Variants in GRID2 observed in about 807,000 individuals in gnomAD.
The protein encoded by GRID2 is glutamate receptor ionotropic, delta-2.
A neutral mutation model predicts 114.8 loss-of-function variants in GRID2; 33 were observed. The ratio of observed to expected loss-of-function variants is 0.29; its 90% confidence interval spans 0.22 to 0.38. The LOEUF (loss-of-function observed/expected upper bound fraction) is 0.38. Among genes scored for constraint, GRID2 ranks in the 10% least tolerant of loss-of-function variants. The pLI, the probability that GRID2 is intolerant of heterozygous loss-of-function variation, is 1.00. For missense variants in GRID2, 1,184 were observed against 1,257.7 expected, an observed-to-expected ratio of 0.94 and a Z score of 0.89; for synonymous variants, 505 against 449.9, an observed-to-expected ratio of 1.12 and a Z score of -1.55.
At chr4:93,111,700 G>A (rs1732777417) in intron 4 of GRID2, among the ~76,000 whole-genome samples, 1 of 148,334 alleles carries the variant, frequency 6.7e-6, no homozygotes, top group Non-Finnish European at 1.5e-5. Flanking sequence ...CTTTCACATG[G>A]AATTTTTAAA....
chr4:93,423,999 T>C (rs1186554812), intron 10 of GRID2, among the ~76,000 whole-genome samples: 1 of 152,140 alleles, frequency 6.6e-6, no homozygotes, highest in East Asian at 1.9e-4. Context: ...TTGTTCGTGG[T>C]TAGTCTAAAG....
At chr4:92,795,468 C>A (rs1290488159) in intron 2 of GRID2, among the ~76,000 whole-genome samples, 4 of 151,966 alleles carry the variant, frequency 2.6e-5, no homozygotes, top group Non-Finnish European at 4.4e-5. Context: ...ACCTCCTTTT[C>A]TTCCCAGTCT....
intron 1 of GRID2, among the ~76,000 whole-genome samples, chr4:92,412,486 T>G (rs1349855410): frequency 2.0e-5 from 3 of 152,168 alleles, no homozygotes; most frequent in Non-Finnish European, 4.4e-5. Flanking sequence ...TTTTCTACAA[T>G]ATTGATTTGT....
At chr4:92,383,992 C>T (rs899791403) in intron 1 of GRID2, among the ~76,000 whole-genome samples, 2 of 151,764 alleles carry the variant, frequency 1.3e-5, no homozygotes, top group Admixed American at 6.6e-5. Context: ...ATTTAATTGT[C>T]AAAACCTTTC....
intron 1 of GRID2, among the ~76,000 whole-genome samples, chr4:93,795,665 TATAGGATTC>T (rs1734782051): frequency 6.6e-6 from 1 of 152,214 alleles, no homozygotes; most frequent in African/African-American, 2.4e-5. Context: ...GGTGAGCAAG[TATAGGATTC>T]TTCCTAACTT....
intron 11 of GRID2, among the ~76,000 whole-genome samples, chr4:93,488,206 T>C (rs1338151397): frequency 6.6e-6 from 1 of 151,822 alleles, no homozygotes; most frequent in Non-Finnish European, 1.5e-5. Context: ...CAATTAGCTA[T>C]TTTGACCAGA....
At chr4:92,486,777 A>C (rs913814215) in intron 1 of GRID2, among the ~76,000 whole-genome samples, 1 of 152,068 alleles carries the variant, frequency 6.6e-6, no homozygotes, top group Non-Finnish European at 1.5e-5. Flanking sequence ...GGATATGAAT[A>C]GACATTTCTC....
chr4:92,740,034 A>G (rs1736795860), intron 2 of GRID2, among the ~76,000 whole-genome samples: 1 of 152,142 alleles, frequency 6.6e-6, no homozygotes, highest in African/African-American at 2.4e-5. Flanking sequence ...AATATAGAAT[A>G]ATATATCAAA....
At chr4:93,691,522 A>G (rs187089001) in intron 14 of GRID2, among the ~76,000 whole-genome samples, 5 of 152,208 alleles carry the variant, frequency 3.3e-5, no homozygotes, top group Non-Finnish European at 7.4e-5. Context: ...GCTGTTTATT[A>G]GCTTTGTGAC....
intron 8 of GRID2, among the ~76,000 whole-genome samples, chr4:93,361,096 C>T (rs533019994): frequency 6.6e-6 from 1 of 152,042 alleles, no homozygotes; most frequent in East Asian, 1.9e-4. Context: ...CACTTATTGA[C>T]ATCTATAGTG....
chr4:93,130,107 G>A (rs968172566), intron 4 of GRID2, among the ~76,000 whole-genome samples: 3 of 152,142 alleles, frequency 2.0e-5, no homozygotes, highest in Non-Finnish European at 2.9e-5. Context: ...TATCCAGGTT[G>A]AGAATTAGAC....
chr4:92,573,792 C>T (rs112384070), intron 1 of GRID2, among the ~76,000 whole-genome samples: 34 of 151,896 alleles, frequency 2.2e-4, no homozygotes, highest in African/African-American at 6.5e-4. Context: ...CATTCCATTG[C>T]TTTGGGGTAG....
chr4:93,130,296 C>T (rs1734681361), intron 4 of GRID2, among the ~76,000 whole-genome samples: 1 of 151,988 alleles, frequency 6.6e-6, no homozygotes, highest in Non-Finnish European at 1.5e-5. Flanking sequence ...TAAAAATTAG[C>T]CAGTTGTGGT....
intron 1 of GRID2, among the ~76,000 whole-genome samples, chr4:92,306,268 C>T (rs542514477): frequency 1.1e-4 from 17 of 152,340 alleles, no homozygotes; most frequent in Middle Eastern, 6.8e-3. Flanking sequence ...GGTCAGGATT[C>T]AGAAAACCTA....
At chr4:93,225,315 A>G (rs1186408648) in intron 7 of GRID2, among the ~76,000 whole-genome samples, 2 of 151,998 alleles carry the variant, frequency 1.3e-5, no homozygotes, top group Admixed American at 1.3e-4. Flanking sequence ...CCAGCTGTGA[A>G]TCTGTTTGGC....
intron 2 of GRID2, among the ~76,000 whole-genome samples, chr4:93,013,308 A>G (rs757537094): frequency 6.6e-6 from 1 of 151,924 alleles, no homozygotes; most frequent in Non-Finnish European, 1.5e-5. Context: ...AGTTTTTTTA[A>G]TCTGTATTTA....
intron 2 of GRID2, among the ~76,000 whole-genome samples, chr4:92,784,404 A>T (rs2149360430): frequency 6.6e-6 from 1 of 152,040 alleles, no homozygotes; most frequent in South Asian, 2.1e-4. Flanking sequence ...CATCCACATA[A>T]TTTTATAAAT....
chr4:93,211,810 A>C (rs1269273403), intron 5 of GRID2, among the ~76,000 whole-genome samples: 1 of 152,182 alleles, frequency 6.6e-6, no homozygotes, highest in Non-Finnish European at 1.5e-5. Context: ...TCAGATAATG[A>C]GCAAATGTTT....
At chr4:93,193,553 G>T (rs961680351) in intron 4 of GRID2, among the ~76,000 whole-genome samples, 1 of 152,028 alleles carries the variant, frequency 6.6e-6, no homozygotes, top group African/African-American at 2.4e-5. Context: ...GTTTCCTGAG[G>T]CCTCCCCAGC....
Sources: allele counts gnomAD v4.1 joint callset (sites outside exome capture counted in the v4.1 genomes callset), GRCh38; gene constraint gnomAD v4.1.1; transcripts MANE v1.5; gene names NCBI Gene and HGNC (gene_info 2026-07-23, HGNC 2026-07-21).